Variants in MYO9A observed in about 807,000 individuals in gnomAD.
MYO9A encodes the protein unconventional myosin-IXa.
In MYO9A, 103 loss-of-function variants were observed where a neutral mutation model predicts 293.3. The ratio of observed to expected loss-of-function variants is 0.35; its 90% CI spans 0.30 to 0.41. MYO9A has a LOEUF of 0.41. Ranked by LOEUF, MYO9A falls within the 10% of genes least tolerant of loss-of-function variation. The pLI is 1.00. For missense variants in MYO9A, 2,685 were observed against 3,033.0 expected, an observed-to-expected ratio of 0.89 and a Z score of 2.69; for synonymous variants, 1,001 against 1,035.7, an observed-to-expected ratio of 0.97 and a Z score of 0.64.
chr15:71,911,899 A>G (rs963317802), intron 19 of MYO9A, among the ~76,000 whole-genome samples: 3 of 152,234 alleles, frequency 2.0e-5, no homozygotes, highest in Non-Finnish European at 4.4e-5. Flanking sequence ...AGGCTGAAAT[A>G]ATACAGAAAA....
intron 14 of MYO9A, chr15:71,953,779 T>A (rs1052140263): frequency 6.6e-6 from 1 of 152,224 alleles, no homozygotes; most frequent in Non-Finnish European, 1.5e-5. Context: ...CCCTGTTTGT[T>A]TTATGTACCA....
At position 71,899,665 on chromosome 15, in the gene MYO9A, T is replaced by C. The variant is rs528500860; in HGVS notation, c.3470+22A>G. On this transcript the variant is annotated intron_variant, in intron 24 of 41. Coordinates refer to ENST00000356056, the MANE Select transcript of MYO9A (RefSeq NM_006901.4). The stretch of plus-strand genomic sequence containing the variant: ...TACTTGGGAAGAAGAAAAAAAGCAA[T>C]TATTATAGTAATAGAGATTACCTTT... 3.3e-5 allele frequency: 52 copies of C among 1,569,060 alleles called. 2 individuals are homozygous for C. In the South Asian group the frequency reaches 5.9e-4, roughly 18 times the overall value.
intron 34 of MYO9A, among the ~76,000 whole-genome samples, chr15:71,855,489 A>G (rs752639471): frequency 6.6e-6 from 1 of 152,238 alleles, no homozygotes; most frequent in Non-Finnish European, 1.5e-5. Context: ...TGACTGCAAC[A>G]TAACAGCTTA....
chr15:71,944,815 G>A (rs1419156193), intron 15 of MYO9A, among the ~76,000 whole-genome samples: 2 of 151,986 alleles, frequency 1.3e-5, no homozygotes, highest in East Asian at 3.8e-4. Flanking sequence ...GACAGTCTGG[G>A]TATTCTACAT....
At chr15:72,103,154 C>T (rs2080420458) in intron 1 of MYO9A, among the ~76,000 whole-genome samples, 2 of 148,290 alleles carry the variant, frequency 1.3e-5, no homozygotes, top group South Asian at 2.1e-4. Context: ...CAAGATTGCG[C>T]CACTGCACTC....
intron 9 of MYO9A, among the ~76,000 whole-genome samples, chr15:71,995,692 G>A (rs1273104245): frequency 6.6e-6 from 1 of 151,824 alleles, no homozygotes; most frequent in East Asian, 1.9e-4. Flanking sequence ...GTATATTCAG[G>A]TACATATTTA....
At chr15:71,871,209 C>CA (rs1167032616) in intron 32 of MYO9A, among the ~76,000 whole-genome samples, 5 of 151,510 alleles carry the variant, frequency 3.3e-5, no homozygotes, top group Non-Finnish European at 5.9e-5. Flanking sequence ...CCCATCTCTA[C>CA]AAAAAATGAA....
At chr15:71,950,258 G>A (rs753656719) in intron 15 of MYO9A, 6 of 152,106 alleles carry the variant, frequency 3.9e-5, no homozygotes, top group African/African-American at 9.7e-5. Flanking sequence ...GAGCTCCAAC[G>A]TCCACAAAAG....
chr15:72,102,160 G>T (rs902918255), intron 1 of MYO9A, among the ~76,000 whole-genome samples: 3 of 151,258 alleles, frequency 2.0e-5, no homozygotes, highest in Non-Finnish European at 4.4e-5. Context: ...CTTCTGCCTT[G>T]GGATCCTGTT....
chr15:71,995,730 T>G (rs148396532), intron 9 of MYO9A, among the ~76,000 whole-genome samples: 1 of 152,144 alleles, frequency 6.6e-6, no homozygotes, highest in East Asian at 1.9e-4. Context: ...ATAAAGAAAA[T>G]AGTAATAATT....
intron 13 of MYO9A, among the ~76,000 whole-genome samples, chr15:71,967,294 T>G (rs1397850129): frequency 6.6e-6 from 1 of 152,220 alleles, no homozygotes; most frequent in Non-Finnish European, 1.5e-5. Flanking sequence ...TCTGTCTAGT[T>G]TATCATTAGA....
intron 14 of MYO9A, among the ~76,000 whole-genome samples, chr15:71,957,558 G>C (rs1240685675): frequency 6.6e-6 from 1 of 151,922 alleles, no homozygotes; most frequent in African/African-American, 2.4e-5. Context: ...ACAGCATAGA[G>C]ATTCTAGACT....
At chr15:72,008,011 T>C in intron 7 of MYO9A, 59 bp from the exon 8 acceptor site, 22 of 1,541,856 alleles carry the variant, frequency 1.4e-5, no homozygotes, top group African/African-American at 2.8e-5. Context: ...GCTCATTTCA[T>C]TCTAAAATTC....
chr15:71,904,143 GT>G, intron 20 of MYO9A, 104 bp from the exon 21 acceptor site: 1 of 896,962 alleles, frequency 1.1e-6, no homozygotes, highest in Non-Finnish European at 1.8e-6. Flanking sequence ...TTGACTGGAG[GT>G]TGTCTGGTTA....
intron 18 of MYO9A, among the ~76,000 whole-genome samples, chr15:71,929,208 T>C (rs1391983200): frequency 6.6e-6 from 1 of 152,222 alleles, no homozygotes; most frequent in African/African-American, 2.4e-5. Flanking sequence ...GGATTTTCTA[T>C]ATAACATTAT....
At chr15:72,086,001 C>A (rs896429608) in intron 1 of MYO9A, among the ~76,000 whole-genome samples, 1 of 152,178 alleles carries the variant, frequency 6.6e-6, no homozygotes, top group African/African-American at 2.4e-5. Context: ...TAGGAACCCA[C>A]TGCACTGGGG....
At chr15:71,930,264 G>C (rs1353588258) in intron 18 of MYO9A, among the ~76,000 whole-genome samples, 2 of 152,008 alleles carry the variant, frequency 1.3e-5, no homozygotes, top group African/African-American at 4.8e-5. Flanking sequence ...TTGATTTTTG[G>C]TGTGGATGGT....
intron 39 of MYO9A, among the ~76,000 whole-genome samples, chr15:71,840,371 C>A (rs558046116): frequency 6.6e-6 from 1 of 152,274 alleles, no homozygotes; most frequent in East Asian, 1.9e-4. Flanking sequence ...GGCTCCCACA[C>A]GAGGATGATC....
chr15:72,050,532 TG>T (rs1263976386), intron 1 of MYO9A, among the ~76,000 whole-genome samples: 15 of 152,146 alleles, frequency 9.9e-5, no homozygotes, highest in African/African-American at 3.4e-4. Context: ...GCGTGGACCC[TG>T]GAGGCAGAGC....
Sources: allele counts gnomAD v4.1 joint callset (sites outside exome capture counted in the v4.1 genomes callset), GRCh38; gene constraint gnomAD v4.1.1; transcripts MANE v1.5; gene names NCBI Gene and HGNC (gene_info 2026-07-23, HGNC 2026-07-21).